CUL7: variants seen among roughly 807,000 people sequenced by gnomAD.
CUL7 encodes cullin-7.
CUL7 carries 96 observed loss-of-function variants against 177.7 expected under a neutral mutation model. The observed-to-expected ratio is 0.54, with a 90% confidence interval of 0.46 to 0.64. The LOEUF is 0.64. Among genes scored for constraint, CUL7 ranks in the 30% least tolerant of loss-of-function variants. The probability of loss-of-function intolerance (pLI) is 0.00; values close to 1 mark genes in which losing one functional copy is unlikely to be tolerated. For synonymous variants in CUL7, 824 were observed against 890.2 expected, an observed-to-expected ratio of 0.93 and a Z score of 1.32; for missense variants, 1,893 against 2,187.9, an observed-to-expected ratio of 0.87 and a Z score of 2.69.
Position 43,052,583 on chromosome 6 carries a change from A to G in CUL7, c.206T>C (p.Met69Thr), listed in dbSNP as rs1297681462. ...GTTGGCATAGATCTCATCCTTGGAC[A>G]TCCACAGCAGGATGTGCTCAGCCTT... Reference protein sequence around the residue: ...DCKAEHILLWMSKDEIYANCH... With the variant: ...DCKAEHILLWTSKDEIYANCH... Residue 69 changes from methionine to threonine, a missense_variant, in exon 2 of 26, where the codon ATG becomes ACG. Physicochemically the swap from Met to Thr is moderately conservative, Grantham distance 81. Transcript: ENST00000265348. The surrounding 1 kb of genome is among the most constrained non-coding windows in gnomAD (Gnocchi z 4.5). 5.0e-6 allele frequency: 8 copies of G among 1,614,234 alleles called. No homozygotes were observed. In the South Asian group the frequency reaches 8.8e-5, roughly 18 times the overall value.
chr6:43,049,732 G>A (rs1387614299), intron 6 of CUL7, 70 bp from the exon 7 acceptor site: 3 of 1,590,196 alleles, frequency 1.9e-6, no homozygotes, highest in East Asian at 2.2e-5. Flanking sequence ...GCACTTGGTA[G>A]GGGTGGGGGT....
In CUL7 at chr6:43,050,378, G is replaced by T. The variant is rs1385968957; in HGVS notation, c.1254C>A (p.Gly418=). 1.9e-6 allele frequency: 3 copies of T among 1,614,154 alleles called. No homozygotes were observed. Among genetic ancestry groups the T allele is most frequent in the Non-Finnish European group, 1.7e-6 (2 of 1,180,010 alleles). Residue 418 remains glycine, a synonymous_variant, in exon 5 of 26, where the codon GGC becomes GGA. Transcript: ENST00000265348. This position sits in a 1 kb window ranked among gnomAD's most constrained non-coding sequence, Gnocchi z 4.1. ...PPVQVFWEST[G]RTYWVHWHML... ...TGTGCCAGTGCACCCAATAGGTGCG[G>T]CCTGTTGACTCCCAAAATACCTGGA...
rs534896336 is a variant in CUL7, at chr6:43,045,773, C to G, written c.2767-91G>C. ...TCCCCTCACTGTTTCCCTCCCTTCC[C>G]CAGCCCTGGGATGTGTAGGGTCCTG... On this transcript the variant is annotated intron_variant, in intron 13 of 25. Coordinates refer to ENST00000265348, the MANE Select transcript of CUL7 (RefSeq NM_014780.5). This position sits in a 1 kb window ranked among gnomAD's most constrained non-coding sequence, Gnocchi z 4.8. 11 of 1,436,984 alleles carry G rather than the reference C, an allele frequency of 7.7e-6. No homozygotes were observed. The East Asian group carries it at 2.5e-4, about 33-fold the overall frequency. 89.0% of individuals were successfully genotyped at this position (1,436,984 alleles called of 1,614,324 possible). A position where few individuals can be genotyped will look rare whatever the true frequency, so the allele number is the denominator to read the frequency against.
chr6:43,048,731 T>A (rs1764138050), intron 7 of CUL7, among the ~76,000 whole-genome samples, 162 bp from the exon 8 acceptor site: 1 of 152,162 alleles, frequency 6.6e-6, no homozygotes, highest in South Asian at 2.1e-4. Context: ...TCTCTGAATG[T>A]CATTGTAAGA....
In CUL7 at chr6:43,046,960, G is replaced by C. The variant is rs1358890131; in HGVS notation, c.2317C>G (p.Arg773Gly). The C allele has an allele frequency of 1.9e-6, 3 of 1,613,168 alleles. No homozygotes were observed. The highest frequency in any genetic ancestry group is 2.7e-5 in the African/African-American group (2 of 74,872). ...LGKLELAQEL[R>G]DMVFKCEKHA... Reference sequence around the variant, plus strand: ...TTCTCACACTTGAACACCATGTCCCGCAGCTCCTGAGCCAGCTCCAGCTTT... The same window carrying C: ...TTCTCACACTTGAACACCATGTCCCCCAGCTCCTGAGCCAGCTCCAGCTTT... The change falls in exon 10 of 26, where the codon CGG (arginine) becomes GGG (glycine). Residue 773 changes from arginine to glycine, a missense_variant. Arg to Gly is a moderately radical substitution (Grantham distance 125). This residue lies in a region of CUL7 where 973 missense variants were observed against 1,140.9 expected (regional missense o/e 0.85). Coordinates refer to ENST00000265348, the MANE Select transcript of CUL7 (RefSeq NM_014780.5).
In CUL7 at chr6:43,051,416, G is replaced by A. The variant is rs764858516; in HGVS notation, c.785C>T (p.Ser262Leu). ...ACTGTCGTTCAGCTGATCCAGGAGC[G>A]AGGTGACATGCAAATACCGCTTCAC... ...SLVKRYLHVT[S>L]LLDQLNDSAA... Residue 262 changes from serine to leucine, a missense_variant, in exon 4 of 26, where the codon TCG becomes TTG. Physicochemically the swap from Ser to Leu is moderately radical, Grantham distance 145. This residue lies in a region of CUL7 where 653 missense variants were observed against 725.2 expected (regional missense o/e 0.90). Transcript: ENST00000265348. The surrounding 1 kb of genome is among the most constrained non-coding windows in gnomAD (Gnocchi z 5.0). The A allele has an allele frequency of 1.5e-5, 25 of 1,613,956 alleles. No individual in the cohort carries two copies. The highest frequency in any genetic ancestry group is 6.7e-5 in the Admixed American group (4 of 59,998).
At chr6:43,039,038 G>A in intron 22 of CUL7, 51 bp from the exon 23 acceptor site, 1 of 1,269,722 alleles carries the variant, frequency 7.9e-7, no homozygotes, top group Non-Finnish European at 1.2e-6. Context: ...GGAGGGAGTT[G>A]GTGTTGGAGG....
Position 43,043,439 on chromosome 6 carries a change from A to G in CUL7, c.3355+9T>C, listed in dbSNP as rs1399847364. 2 of 1,613,474 alleles carry G rather than the reference A, an allele frequency of 1.2e-6. No homozygotes were observed. Among genetic ancestry groups the G allele is most frequent in the South Asian group, 1.1e-5 (1 of 91,048 alleles). On this transcript the variant is annotated intron_variant, in intron 17 of 25. Transcript: ENST00000265348. The surrounding 1 kb of genome is among the most constrained non-coding windows in gnomAD (Gnocchi z 4.2). ...ACTAGAGCTCCCCACCTGAATCTCC[A>G]CTACTCACTGGGCCGAGGAGTGGCC...
Position 43,053,013 on chromosome 6 carries a change from AAAGG to A in CUL7, c.-8-221_-8-218del, listed in dbSNP as rs763319192. ...GAAAGAACACAAAATTTGGGGGCTA[AAAGG>A]AAGGTCCCCAAGACCCTGTGGCCTG... is the stretch of plus-strand genomic sequence containing the variant. On this transcript the variant is annotated intron_variant, in intron 1 of 25. Transcript: ENST00000265348. The surrounding 1 kb of genome is among the most constrained non-coding windows in gnomAD (Gnocchi z 4.1). Among the ~76,000 whole-genome samples the A allele has an allele frequency of 6.6e-5, 10 of 152,118 alleles. No individual in the cohort carries two copies. Among genetic ancestry groups the A allele is most frequent in the Non-Finnish European group, 1.0e-4 (7 of 68,026 alleles).
chr6:43,044,602 TG>T, intron 16 of CUL7, 149 bp downstream of exon 16: 1 of 1,114,900 alleles, frequency 9.0e-7, no homozygotes, highest in Non-Finnish European at 1.2e-6. Context: ...GGGCAGCCCC[TG>T]GGCTGTGAGA....
Position 43,045,169 on chromosome 6 carries a change from A to G in CUL7, c.3038+58T>C. On this transcript the variant is annotated intron_variant, in intron 15 of 25. Coordinates refer to ENST00000265348, the MANE Select transcript of CUL7 (RefSeq NM_014780.5). This position sits in a 1 kb window ranked among gnomAD's most constrained non-coding sequence, Gnocchi z 4.8. ...TTCTATGGACCCCTGCCTGCCAGCTATTTGCAATAGCCTTACCTTTCCCAC... is the reference window on the plus strand; with the variant it reads ...TTCTATGGACCCCTGCCTGCCAGCTGTTTGCAATAGCCTTACCTTTCCCAC... 6 of 1,574,966 alleles carry G rather than the reference A, an allele frequency of 3.8e-6. No individual in the cohort carries two copies. Among genetic ancestry groups the G allele is most frequent in the Non-Finnish European group, 5.2e-6 (6 of 1,158,822 alleles).
In CUL7 at chr6:43,050,576, A is replaced by G. The variant is rs1764311951; in HGVS notation, c.1234-178T>C. 6.7e-6 allele frequency among the ~76,000 whole-genome samples: 1 copy of G among 148,326 alleles called. No homozygotes were observed. The highest frequency in any genetic ancestry group is 2.5e-5 in the African/African-American group (1 of 40,688). On this transcript the variant is annotated intron_variant, in intron 4 of 25. Coordinates refer to ENST00000265348, the MANE Select transcript of CUL7 (RefSeq NM_014780.5). The surrounding 1 kb of genome is among the most constrained non-coding windows in gnomAD (Gnocchi z 4.1). ...CACACACACACACACACACACACACACACACACACACACACACACACACAC... is the reference window on the plus strand; with the variant it reads ...CACACACACACACACACACACACACGCACACACACACACACACACACACAC...
intron 15 of CUL7, 79 bp from the exon 16 acceptor site, chr6:43,044,964 C>A: frequency 6.4e-7 from 1 of 1,573,682 alleles, no homozygotes; most frequent in South Asian, 1.2e-5. Flanking sequence ...CCTAAGACTG[C>A]CAGCTAACCC....
At position 43,051,854 on chromosome 6, in the gene CUL7, C is replaced by G. The variant is rs143625806; in HGVS notation, c.581-91G>C. 84 of 1,493,804 alleles carry G rather than the reference C, an allele frequency of 5.6e-5. No homozygotes were observed. Among genetic ancestry groups the G allele is most frequent in the Non-Finnish European group, 7.1e-5 (76 of 1,072,794 alleles). 92.5% of individuals were successfully genotyped at this position (1,493,804 alleles called of 1,614,324 possible). A position where few individuals can be genotyped will look rare whatever the true frequency, so the allele number is the denominator to read the frequency against. On this transcript the variant is annotated intron_variant, in intron 2 of 25. Transcript: ENST00000265348. This position sits in a 1 kb window ranked among gnomAD's most constrained non-coding sequence, Gnocchi z 5.0. ...CTACTCTTTCAATCCAATCCTTTTG[C>G]CACCACACAATGAGAAAGAACTGAT...
Position 43,050,827 on chromosome 6 carries a change from C to T in CUL7, c.1233+141G>A, listed in dbSNP as rs759438350. On this transcript the variant is annotated intron_variant, in intron 4 of 25. Transcript: ENST00000265348. The surrounding 1 kb of genome is among the most constrained non-coding windows in gnomAD (Gnocchi z 4.1). ...GCTCTCAGAATGGCCCCCCTCTCAA[C>T]TACTGACTCTTTTCACCATTCCAAT... The T allele has an allele frequency of 5.6e-5, 63 of 1,124,690 alleles. No homozygotes were observed. Among genetic ancestry groups the T allele is most frequent in the Non-Finnish European group, 7.7e-5 (60 of 780,312 alleles). The allele number at this position is 1,124,690 out of a possible 1,614,324, so 69.7% of individuals were successfully genotyped here.
At position 43,053,707 on chromosome 6, in the gene CUL7, C is replaced by A; in HGVS notation, c.-94G>T. 1 of 1,423,600 alleles carries A rather than the reference C, an allele frequency of 7.0e-7. No homozygotes were observed. The highest frequency in any genetic ancestry group is 2.8e-5 in the East Asian group (1 of 36,288). 88.2% of individuals were successfully genotyped at this position (1,423,600 alleles called of 1,614,324 possible). A position where few individuals can be genotyped will look rare whatever the true frequency, so the allele number is the denominator to read the frequency against. ...ACAGACGCTGGCGGCGACTTGGGCC[C>A]CACCTGGGCCCCGCGAGGGGGTCGA... On this transcript the variant is annotated 5_prime_UTR_variant, in exon 1 of 26. Transcript: ENST00000265348. This position sits in a 1 kb window ranked among gnomAD's most constrained non-coding sequence, Gnocchi z 4.1.
chr6:43,047,283 T>C (rs1276687979), intron 9 of CUL7, among the ~76,000 whole-genome samples, 176 bp from the exon 10 acceptor site: 1 of 152,036 alleles, frequency 6.6e-6, no homozygotes, highest in African/African-American at 2.4e-5. Flanking sequence ...AGCCAGGTGG[T>C]TAGAGAACCA....
At position 43,050,281 on chromosome 6, in the gene CUL7, C is replaced by T; in HGVS notation, c.1351G>A (p.Ala451Thr). 6.2e-7 allele frequency: 1 copy of T among 1,614,218 alleles called. No homozygotes were observed. Among genetic ancestry groups the T allele is most frequent in the East Asian group, 2.2e-5 (1 of 44,884 alleles). The change falls in exon 5 of 26, where the codon GCC becomes ACC. Residue 451 changes from alanine to threonine, a missense_variant. Physicochemically the swap from Ala to Thr is moderately conservative, Grantham distance 58. Around this residue, in one of 5 missense-constraint regions of CUL7, gnomAD observed 653 missense variants for 725.2 expected, o/e 0.90. Transcript: ENST00000265348. The surrounding 1 kb of genome is among the most constrained non-coding windows in gnomAD (Gnocchi z 4.1). ...VEADEYQGAV[A>T]SRVLGRALPA... ...TCACCTCTACCCAGGACTCTACTGG[C>T]CACTGCCCCTTGGTACTCATCAGCC...
intron 19 of CUL7, among the ~76,000 whole-genome samples, chr6:43,041,340 T>C (rs1763398542): frequency 1.3e-5 from 2 of 152,196 alleles, no homozygotes; most frequent in South Asian, 4.1e-4. Flanking sequence ...CAGGCGCAGT[T>C]CACGCCTGTA....
Sources: allele counts gnomAD v4.1 joint callset (sites outside exome capture counted in the v4.1 genomes callset), GRCh38; gene constraint gnomAD v4.1.1; regional missense constraint gnomAD v4.1.1; non-coding constraint Gnocchi (gnomAD v3.1); transcripts MANE v1.5; gene names NCBI Gene and HGNC (gene_info 2026-07-23, HGNC 2026-07-21).